Variants in CDKAL1 observed in about 807,000 individuals in gnomAD.
CDKAL1 encodes the protein threonylcarbamoyladenosine tRNA methylthiotransferase.
A neutral mutation model predicts 68.2 loss-of-function variants in CDKAL1; 32 were observed. The observed-to-expected ratio is 0.47, with a 90% CI of 0.35 to 0.63. The LOEUF is 0.63. Among genes scored for constraint, CDKAL1 ranks in the 30% least tolerant of loss-of-function variants. CDKAL1 has a pLI of 0.00. For missense variants in CDKAL1, 606 were observed against 696.7 expected (o/e 0.87, Z 1.47); for synonymous variants, 234 against 244.3 (o/e 0.96, Z 0.39).
chr6:20,623,680 G>A (rs1287948959), intron 4 of CDKAL1, among the ~76,000 whole-genome samples: 1 of 152,066 alleles, frequency 6.6e-6, no homozygotes, highest in African/African-American at 2.4e-5. Context: ...TGGTTCCTAA[G>A]TCATGGTTTC....
At chr6:20,580,708 G>A (rs909928936) in intron 4 of CDKAL1, among the ~76,000 whole-genome samples, 1 of 151,754 alleles carries the variant, frequency 6.6e-6, no homozygotes, top group African/African-American at 2.4e-5. Flanking sequence ...AGCATTCTGG[G>A]TACTATTTTC....
chr6:21,089,054 T>C (rs1425578048), intron 12 of CDKAL1, among the ~76,000 whole-genome samples: 2 of 152,400 alleles, frequency 1.3e-5, no homozygotes, highest in African/African-American at 4.8e-5. Flanking sequence ...ATTATGCTTA[T>C]GGAAATTAAA....
chr6:21,089,259 T>C (rs1772866938), intron 12 of CDKAL1, among the ~76,000 whole-genome samples: 1 of 151,998 alleles, frequency 6.6e-6, no homozygotes, highest in Non-Finnish European at 1.5e-5. Flanking sequence ...GAGGATTGCT[T>C]GAGCCCAGAA....
At chr6:21,077,214 A>G (rs906067035) in intron 12 of CDKAL1, among the ~76,000 whole-genome samples, 5 of 152,020 alleles carry the variant, frequency 3.3e-5, no homozygotes, top group Non-Finnish European at 7.4e-5. Flanking sequence ...CCATTCTTTC[A>G]CCTTCTATTT....
intron 10 of CDKAL1, among the ~76,000 whole-genome samples, chr6:20,999,663 T>TAAAAAAAAAAAAAAA (rs36078234): frequency 1.1e-5 from 1 of 93,382 alleles, no homozygotes; most frequent in Non-Finnish European, 2.0e-5. Context: ...TGACTGAAAT[T>TAAAAAAAAAAAAAAA]AAAAAAAAAA....
At chr6:20,799,910 A>T (rs531720582) in intron 8 of CDKAL1, 1 of 152,350 alleles carries the variant, frequency 6.6e-6, no homozygotes, top group South Asian at 2.1e-4. Flanking sequence ...TGTACTCATG[A>T]TGATTTGTTT....
At chr6:20,647,932 G>A (rs1318920041) in intron 4 of CDKAL1, among the ~76,000 whole-genome samples, 1 of 149,978 alleles carries the variant, frequency 6.7e-6, no homozygotes. Context: ...TTTTTTAGCT[G>A]GGCATGGTGG....
chr6:20,896,079 C>CT (rs201626326), intron 9 of CDKAL1, among the ~76,000 whole-genome samples: 3,881 of 137,986 alleles, frequency 0.028, 184 homozygotes, highest in African/African-American at 0.098. Flanking sequence ...TTCTTTTTTT[C>CT]TTTTTTTTCT....
chr6:20,745,338 A>G (rs1283704302), intron 6 of CDKAL1, among the ~76,000 whole-genome samples: 1 of 152,224 alleles, frequency 6.6e-6, no homozygotes, highest in Non-Finnish European at 1.5e-5. Context: ...CAAATTCACA[A>G]AGTGGAGCAG....
intron 11 of CDKAL1, among the ~76,000 whole-genome samples, chr6:21,018,285 GA>G (rs35678732): frequency 6.6e-6 from 1 of 152,172 alleles, no homozygotes; most frequent in South Asian, 2.1e-4. Flanking sequence ...TCAAGCCACG[GA>G]AAATAAATGT....
intron 10 of CDKAL1, among the ~76,000 whole-genome samples, chr6:20,997,249 A>T (rs1181907031): frequency 6.6e-6 from 1 of 152,236 alleles, no homozygotes; most frequent in Non-Finnish European, 1.5e-5. Flanking sequence ...CTGAGAAGTC[A>T]TAAAGGAAGA....
intron 13 of CDKAL1, among the ~76,000 whole-genome samples, chr6:21,186,690 T>G (rs1029519979): frequency 6.6e-6 from 1 of 152,210 alleles, no homozygotes; most frequent in Non-Finnish European, 1.5e-5. Flanking sequence ...TATAGACATG[T>G]GTATACATTC....
chr6:20,896,103 C>CTTTTTTTTTTT (rs777787310), intron 9 of CDKAL1, among the ~76,000 whole-genome samples: 17 of 90,142 alleles, frequency 1.9e-4, no homozygotes, highest in East Asian at 4.0e-4. Flanking sequence ...CTTTTCTTTT[C>CTTTTTTTTTTT]TTTTTTTTTT....
intron 10 of CDKAL1, among the ~76,000 whole-genome samples, chr6:20,992,744 A>G (rs1766898293): frequency 6.6e-6 from 1 of 151,856 alleles, no homozygotes; most frequent in African/African-American, 2.4e-5. Flanking sequence ...TCTAGGAAAA[A>G]TGTAAAAATT....
chr6:20,965,420 G>C (rs982065726), intron 10 of CDKAL1, among the ~76,000 whole-genome samples: 2 of 143,630 alleles, frequency 1.4e-5, no homozygotes, highest in Non-Finnish European at 3.0e-5. Context: ...TGTATCGAGA[G>C]GGGAGGGGAG....
intron 13 of CDKAL1, among the ~76,000 whole-genome samples, chr6:21,131,903 A>G (rs954727590): frequency 2.6e-5 from 4 of 152,196 alleles, no homozygotes; most frequent in Non-Finnish European, 4.4e-5. Flanking sequence ...ATAAATAAGA[A>G]ATATTTTCTA....
At chr6:20,879,726 A>G (rs1373218006) in intron 9 of CDKAL1, among the ~76,000 whole-genome samples, 1 of 152,114 alleles carries the variant, frequency 6.6e-6, no homozygotes, top group Non-Finnish European at 1.5e-5. Context: ...GGTTCTAAAA[A>G]TTATCCCTGA....
rs67647227 is a variant in CDKAL1, at chr6:21,090,805, C to CTT, written c.1237-17581_1237-17580dup. On this transcript the variant is annotated intron_variant, in intron 12 of 15. Coordinates refer to ENST00000274695, the MANE Select transcript of CDKAL1 (RefSeq NM_017774.3). ...GTATACTAACAATTTTTTCTTTTTT[C>CTT]TTTTTTTTTTTTTTTTGAGACAGAG... Among the ~76,000 whole-genome samples, 1,196 of 132,572 alleles carry CTT rather than the reference C, an allele frequency of 9.0e-3. 17 individuals carry two copies. The highest frequency in any genetic ancestry group is 0.017 in the African/African-American group (592 of 35,458). 87.0% of individuals were successfully genotyped at this position (132,572 alleles called of 152,430 possible).
chr6:20,723,619 T>A (rs1479837648), intron 5 of CDKAL1: 1 of 196,054 alleles, frequency 5.1e-6, no homozygotes, highest in Non-Finnish European at 1.1e-5. Context: ...CCACACGCGT[T>A]ACAGAAAGTT....
Sources: allele counts gnomAD v4.1 joint callset (sites outside exome capture counted in the v4.1 genomes callset), GRCh38; gene constraint gnomAD v4.1.1; transcripts MANE v1.5; gene names NCBI Gene and HGNC (gene_info 2026-07-23, HGNC 2026-07-21).